Variants in SETX observed in about 807,000 individuals in gnomAD.
SETX encodes the protein helicase senataxin.
Under a neutral mutation model 227.2 loss-of-function variants are expected in SETX, and 90 were observed. That is an observed-to-expected ratio of 0.40 (90% CI 0.33 to 0.47). The LOEUF (loss-of-function observed/expected upper bound fraction) is 0.47, where lower values mean the gene tolerates loss of function less well. Among genes scored for constraint, SETX ranks in the 20% least tolerant of loss-of-function variants. The pLI is 0.91. For synonymous variants in SETX, 1,210 were observed against 1,113.2 expected, an observed-to-expected ratio of 1.09 and a Z score of -1.73; for missense variants, 3,052 against 3,181.5, an observed-to-expected ratio of 0.96 and a Z score of 0.98.
rs768582274 is a variant in SETX at position 132,326,468 on chromosome 9, A to T, written c.5130T>A (p.Tyr1710Ter). The change falls in exon 10 of 26, where the codon TAT becomes TAA. Residue 1710 changes from tyrosine (Y) to a stop codon, truncating the protein, a stop_gained. Transcript: ENST00000224140. LOFTEE classifies it high-confidence loss of function. Reference protein sequence around the residue: ...TFVKEVLKWKYEMFLNFGQCG... With the variant: ...TFVKEVLKWK ...ACTGACCAAAGTTCAAAAACATTTC[A>T]TATTTCCATTTTAAGACCTCTTTAA... 1 of 1,614,252 alleles carries T rather than the reference A, an allele frequency of 6.2e-7. No individual in the cohort carries two copies. Among genetic ancestry groups the T allele is most frequent in the Non-Finnish European group, 8.5e-7 (1 of 1,180,044 alleles).
Position 132,349,257 on chromosome 9 carries a change from G to A in SETX, c.172C>T (p.His58Tyr), listed in dbSNP as rs757760067. ...HKARDELPFL[H>Y]EVLWELETLR... ...GCCCATCTAATATATTTTACCTCATGCAAGAATGGCAATTCATCTCTTGCT... is the reference window on the plus strand; with the variant it reads ...GCCCATCTAATATATTTTACCTCATACAAGAATGGCAATTCATCTCTTGCT... The change falls in exon 3 of 26, where the codon CAT becomes TAT. Residue 58 changes from histidine (H) to tyrosine (Y), a missense_variant. This residue lies in a region of SETX where 152 missense variants were observed against 156.2 expected (regional missense o/e 0.97). Transcript: ENST00000224140. The A allele has an allele frequency of 1.3e-5, 21 of 1,613,608 alleles. No homozygotes were observed. Among genetic ancestry groups the A allele is most frequent in the East Asian group, 1.1e-4 (5 of 44,876 alleles).
rs1842560465 is a variant in SETX, at chr9:132,264,839, G to T, written c.7434C>A (p.Thr2478=). Residue 2478 remains threonine, a synonymous_variant, in exon 26 of 26, where the codon ACC becomes ACA. Transcript: ENST00000224140. ...GGGGTCTGGACCCCTCTGGGGCTAT[G>T]GTAGGAGGGTGAGTGAGACTTCTCT... ...VLQRSLTHPP[T]IAPEGSRPQG... 6.2e-7 allele frequency: 1 copy of T among 1,614,040 alleles called. No individual in the cohort carries two copies. The highest frequency in any genetic ancestry group is 1.1e-5 in the South Asian group (1 of 91,090).
Position 132,329,463 on chromosome 9 carries a change from T to G in SETX, c.2135A>C (p.Gln712Pro), listed in dbSNP as rs779068101. The G allele has an allele frequency of 6.2e-7, 1 of 1,612,902 alleles. No homozygotes were observed. Among genetic ancestry groups the G allele is most frequent in the Admixed American group, 1.7e-5 (1 of 59,958 alleles). ...TGAAGAGATCTCTTTTACAGACTTCTGCTTCCTTGTACTTATTTTAATTTG... is the reference window on the plus strand; with the variant it reads ...TGAAGAGATCTCTTTTACAGACTTCGGCTTCCTTGTACTTATTTTAATTTG... ...EDQIKISTRK[Q>P]KSVKEISSYT... The change falls in exon 10 of 26, where the codon CAG (glutamine) becomes CCG (proline). Residue 712 changes from glutamine to proline, a missense_variant. By Grantham distance (76) the Gln-to-Pro change is moderately conservative. Around this residue, in one of 10 missense-constraint regions of SETX, gnomAD observed 1,483 missense variants for 1,312.0 expected, o/e 1.13. Coordinates refer to ENST00000224140, the MANE Select transcript of SETX (RefSeq NM_015046.7).
intron 11 of SETX, among the ~76,000 whole-genome samples, chr9:132,307,973 G>A (rs772358468): frequency 3.3e-5 from 5 of 151,922 alleles, no homozygotes; most frequent in Non-Finnish European, 7.4e-5. Flanking sequence ...CACCGCACCC[G>A]GACTACTAGT....
chr9:132,278,379 A>AACC (rs1843292896), intron 20 of SETX, 122 bp from the exon 21 acceptor site: 2 of 869,492 alleles, frequency 2.3e-6, no homozygotes, highest in Non-Finnish European at 3.7e-6. Flanking sequence ...TAAGATTACC[A>AACC]ACCACAGCTT....
chr9:132,301,631 T>A (rs372626878), intron 11 of SETX, among the ~76,000 whole-genome samples: 1 of 152,206 alleles, frequency 6.6e-6, no homozygotes, highest in South Asian at 2.1e-4. Flanking sequence ...GGTAACATGC[T>A]GTACAGGTTG....
At chr9:132,351,741 T>C (rs779134130) in intron 2 of SETX, among the ~76,000 whole-genome samples, 2 of 152,238 alleles carry the variant, frequency 1.3e-5, no homozygotes, top group African/African-American at 4.8e-5. Flanking sequence ...TTATTGCTTC[T>C]AAACTACTGT....
At chr9:132,271,597 G>T in intron 24 of SETX, 113 bp downstream of exon 24, 1 of 919,748 alleles carries the variant, frequency 1.1e-6, no homozygotes, top group Non-Finnish European at 1.8e-6. Context: ...TTTCACAAAA[G>T]AAAATTAAAA....
intron 11 of SETX, among the ~76,000 whole-genome samples, chr9:132,308,962 A>AC (rs1305276139): frequency 6.6e-6 from 1 of 152,024 alleles, no homozygotes; most frequent in Non-Finnish European, 1.5e-5. Flanking sequence ...AATAGGTGAA[A>AC]CCCCGTCTCC....
chr9:132,295,619 C>G (rs1025335306), intron 15 of SETX, among the ~76,000 whole-genome samples: 9 of 152,236 alleles, frequency 5.9e-5, no homozygotes, highest in African/African-American at 1.9e-4. Flanking sequence ...ACTTATCACT[C>G]TGTACTGACC....
intron 1 of SETX, 50 bp downstream of exon 1, chr9:132,354,863 CGCCT>C (rs963633733): frequency 5.2e-5 from 8 of 152,570 alleles, no homozygotes; most frequent in Admixed American, 3.9e-4. Context: ...GCACAAGCCG[CGCCT>C]GCGCTCACGC....
At chr9:132,341,608 G>A (rs1021853011) in intron 5 of SETX, among the ~76,000 whole-genome samples, 2 of 152,122 alleles carry the variant, frequency 1.3e-5, no homozygotes, top group African/African-American at 2.4e-5. Context: ...CAAGTGCTTC[G>A]CCCAGGCACT....
intron 19 of SETX, chr9:132,283,011 G>A (rs370899558): frequency 3.9e-6 from 2 of 516,428 alleles, no homozygotes; most frequent in Non-Finnish European, 7.0e-6. Flanking sequence ...GAGTGAGACA[G>A]TCACTCAGCA....
rs200382898 is a variant in SETX at position 132,278,237 on chromosome 9, G to A, written c.6675C>T (p.Tyr2225=). 59 of 1,614,042 alleles carry A rather than the reference G, an allele frequency of 3.7e-5. No homozygotes were observed. In the East Asian group the frequency reaches 5.6e-4, roughly 15 times the overall value. The change falls in exon 21 of 26, where the codon TAC becomes TAT. Residue 2225 remains tyrosine (Y), a synonymous_variant. Transcript: ENST00000224140. ...AGAAGCGAGCCATCATTGACTGGTC[G>A]TAGCCATACTCCTGTGCTTTCTGTG... is the stretch of plus-strand genomic sequence containing the variant. ...VISMKAQEYG[Y]DQSMMARFCR... is the part of the protein sequence containing the mutation.
chr9:132,336,580 G>GA (rs1368344155), intron 5 of SETX, 65 bp from the exon 6 acceptor site: 5 of 1,134,416 alleles, frequency 4.4e-6, no homozygotes, highest in Admixed American at 3.5e-5. Context: ...CAAGAACACA[G>GA]AAAAGAAAAC....
chr9:132,290,028 G>A (rs1251549261), intron 15 of SETX, among the ~76,000 whole-genome samples: 1 of 152,020 alleles, frequency 6.6e-6, no homozygotes, highest in East Asian at 1.9e-4. Context: ...GGCCAACATG[G>A]CAAAACCCCA....
chr9:132,301,556 T>TA (rs1844998111), intron 11 of SETX, among the ~76,000 whole-genome samples: 1 of 152,192 alleles, frequency 6.6e-6, no homozygotes, highest in Non-Finnish European at 1.5e-5. Flanking sequence ...ATTTTTACTG[T>TA]ATCTTTTCTA....
At chr9:132,334,508 T>C in intron 7 of SETX, 100 bp downstream of exon 7, 1 of 1,385,522 alleles carries the variant, frequency 7.2e-7, no homozygotes, top group Admixed American at 1.7e-5. Flanking sequence ...GAAAAATTCT[T>C]TTCTCCACAA....
intron 11 of SETX, among the ~76,000 whole-genome samples, chr9:132,307,770 C>T (rs1013947823): frequency 1.3e-5 from 2 of 151,792 alleles, no homozygotes; most frequent in Non-Finnish European, 2.9e-5. Flanking sequence ...CCTCCGCCTC[C>T]AGGGTTCAAG....
Sources: gnomAD v4.1 joint callset for allele counts (sites outside exome capture counted in the v4.1 genomes callset) on GRCh38, gnomAD v4.1.1 for gene constraint, gnomAD v4.1.1 regional missense constraint, MANE v1.5 for transcripts, NCBI Gene and HGNC (gene_info 2026-07-23, HGNC 2026-07-21) for gene names.